The following INSL6 variants were observed in gnomAD, a reference collection of about 807,000 sequenced individuals.
INSL6 encodes the protein insulin-like peptide INSL6.
Under a neutral mutation model 9.4 loss-of-function variants are expected in INSL6, and 16 were observed. That is an observed-to-expected ratio of 1.70 (90% confidence interval 1.15 to 2.59). The LOEUF (loss-of-function observed/expected upper bound fraction) is 2.59, where lower values mean the gene tolerates loss of function less well. Among genes scored for constraint, INSL6 ranks in the 30% most tolerant of loss-of-function variants. INSL6 has a pLI of 0.00. For synonymous variants in INSL6, 154 were observed against 96.9 expected (o/e 1.59, Z -3.46); for missense variants, 391 against 257.3 (o/e 1.52, Z -3.56).
chr9:5,047,335 C>A, the INSL6 span, among the ~76,000 whole-genome samples: 4 of 152,192 alleles, frequency 2.6e-5, no homozygotes, highest in South Asian at 8.3e-4. Context: ...TAAGACAGTA[C>A]CTGTAGGAAG....
At chr9:5,100,773 G>C in the INSL6 span, 4 of 152,376 alleles carry the variant, frequency 2.6e-5, no homozygotes, top group Middle Eastern at 3.4e-3. Flanking sequence ...ACAAATCTCA[G>C]TACTTTGAGG....
downstream of INSL6, chr9:5,123,004 G>T (rs1358248922): frequency 6.3e-7 from 1 of 1,597,562 alleles, no homozygotes; most frequent in Admixed American, 1.7e-5. Context: ...ATATTTACAG[G>T]TATGCTCCAG....
At chr9:5,101,284 ACAGCAGCCTAAGATCCACCCGTGAGG>A in the INSL6 span, among the ~76,000 whole-genome samples, 18 of 152,348 alleles carry the variant, frequency 1.2e-4, no homozygotes, top group South Asian at 6.2e-4. Flanking sequence ...CACTGCTAGC[ACAGCAGCCTAAGATCCACCCGTGAGG>A]CAGCAGCCTG....
intron 1 of INSL6, among the ~76,000 whole-genome samples, chr9:5,166,420 TAAA>T (rs1328354076): frequency 6.6e-6 from 1 of 151,906 alleles, no homozygotes; most frequent in Non-Finnish European, 1.5e-5. Context: ...GTTGCTTGTT[TAAA>T]AGAATAAGAT....
At chr9:5,137,932 G>C (rs1824417930) in intron 2 of INSL6, among the ~76,000 whole-genome samples, 1 of 151,026 alleles carries the variant, frequency 6.6e-6, no homozygotes, top group South Asian at 2.1e-4. Flanking sequence ...GATATGAACA[G>C]ACATTTCTCA....
At chr9:5,150,808 C>T (rs1221887465) in intron 2 of INSL6, among the ~76,000 whole-genome samples, 5 of 151,402 alleles carry the variant, frequency 3.3e-5, no homozygotes, top group Admixed American at 2.6e-4. Flanking sequence ...GATAGGAAAT[C>T]AACCTAAGTA....
chr9:5,111,699 C>T, the INSL6 span: 7 of 431,280 alleles, frequency 1.6e-5, no homozygotes, highest in African/African-American at 4.1e-5. Flanking sequence ...GGCAGCAGCA[C>T]GTTTGGCGGC....
chr9:5,125,406 G>T (rs1438067799), intron 3 of INSL6, among the ~76,000 whole-genome samples: 1 of 151,220 alleles, frequency 6.6e-6, no homozygotes, highest in Admixed American at 6.6e-5. Context: ...TCCATCATAA[G>T]GCTATATATG....
At chr9:5,181,195 A>T (rs1395413993) in intron 1 of INSL6, among the ~76,000 whole-genome samples, 1 of 152,222 alleles carries the variant, frequency 6.6e-6, no homozygotes, top group Non-Finnish European at 1.5e-5. Flanking sequence ...ATACTTTTAA[A>T]TATATATGAA....
chr9:5,121,031 A>G (rs1159654334), downstream of INSL6, among the ~76,000 whole-genome samples: 3 of 152,186 alleles, frequency 2.0e-5, no homozygotes, highest in African/African-American at 7.2e-5. Flanking sequence ...ATACTATCTA[A>G]GGGAAAGTTT....
the INSL6 span, among the ~76,000 whole-genome samples, chr9:5,093,414 A>G: frequency 6.6e-6 from 1 of 152,168 alleles, no homozygotes; most frequent in African/African-American, 2.4e-5. Flanking sequence ...AGGGACTTAG[A>G]AGAATGGCCA....
Position 5,126,843 on chromosome 9 carries a change from A to G in INSL6, c.*11-2332T>C, listed in dbSNP as rs144726392. 392 of 1,054,276 alleles carry G rather than the reference A, an allele frequency of 3.7e-4. 10 individuals carry two copies. The East Asian group carries it at 6.3e-3, about 17-fold the overall frequency. 65.3% of individuals were successfully genotyped at this position (1,054,276 alleles called of 1,614,324 possible). Reference sequence around the variant, plus strand: ...AAGTAGATTTACAGAACAAAGTTTTATATTTCACATTGCTGTGGACTATTA... The same window carrying G: ...AAGTAGATTTACAGAACAAAGTTTTGTATTTCACATTGCTGTGGACTATTA... On this transcript the variant is annotated intron_variant, in intron 3 of 3. Transcript: ENST00000649639.
chr9:5,085,116 T>C, the INSL6 span: 1,144 of 652,094 alleles, frequency 1.8e-3, 1 homozygote, highest in Non-Finnish European at 3.0e-3. Flanking sequence ...GGTAGGTTGT[T>C]TGTTTTACAC....
At chr9:5,118,723 T>C in the INSL6 span, among the ~76,000 whole-genome samples, 4 of 152,230 alleles carry the variant, frequency 2.6e-5, no homozygotes, top group South Asian at 6.2e-4. Context: ...TTTGTTATAA[T>C]AGTATCATTC....
At chr9:5,118,253 T>G in the INSL6 span, among the ~76,000 whole-genome samples, 1 of 152,320 alleles carries the variant, frequency 6.6e-6, no homozygotes, top group East Asian at 1.9e-4. Context: ...TTGTACAAAC[T>G]TTGTATCATT....
the INSL6 span, among the ~76,000 whole-genome samples, chr9:5,017,646 T>A: frequency 6.6e-6 from 1 of 152,208 alleles, no homozygotes; most frequent in Non-Finnish European, 1.5e-5. Flanking sequence ...ATAACTGCTT[T>A]TGCTGCATTT....
intron 2 of INSL6, among the ~76,000 whole-genome samples, chr9:5,150,794 C>T (rs1283956558): frequency 2.0e-5 from 3 of 151,350 alleles, no homozygotes. Flanking sequence ...TTCACAAAGG[C>T]AAAGATAGGA....
At chr9:5,127,557 T>C (rs2130869044) in intron 3 of INSL6, 1 of 231,460 alleles carries the variant, frequency 4.3e-6, no homozygotes, top group Non-Finnish European at 8.6e-6. Flanking sequence ...GTGGTGAATG[T>C]GTTTTTTAAA....
chr9:5,004,822 T>C, the INSL6 span, among the ~76,000 whole-genome samples: 1 of 152,168 alleles, frequency 6.6e-6, no homozygotes, highest in African/African-American at 2.4e-5. Context: ...TAAGGCTCAT[T>C]GTAACAGGCA....
Sources: gnomAD v4.1 joint callset for allele counts (sites outside exome capture counted in the v4.1 genomes callset) on GRCh38, gnomAD v4.1.1 for gene constraint, MANE v1.5 for transcripts, NCBI Gene and HGNC (gene_info 2026-07-23, HGNC 2026-07-21) for gene names.